KMT5B: variants seen among roughly 807,000 people sequenced by gnomAD.
KMT5B encodes lysine methyltransferase 5B, also known as histone-lysine N-methyltransferase KMT5B.
Under a neutral mutation model 83.2 loss-of-function variants are expected in KMT5B, and 10 were observed. That is an observed-to-expected ratio of 0.12 (90% CI 0.07 to 0.20). KMT5B has a LOEUF of 0.20. Among genes scored for constraint, KMT5B ranks in the 10% least tolerant of loss-of-function variants. KMT5B has a pLI of 1.00. For missense variants in KMT5B, 753 were observed against 1,067.2 expected, an observed-to-expected ratio of 0.71 and a Z score of 4.10; for synonymous variants, 349 against 388.8, an observed-to-expected ratio of 0.90 and a Z score of 1.20.
chr11:68,179,372 C>A, intron 4 of KMT5B: 1 of 1,130,850 alleles, frequency 8.8e-7, no homozygotes, highest in South Asian at 1.4e-5. Context: ...TTTACACTTC[C>A]AATCAATGGC....
At chr11:68,199,731 T>C (rs1859184187) in intron 1 of KMT5B, among the ~76,000 whole-genome samples, 1 of 152,198 alleles carries the variant, frequency 6.6e-6, no homozygotes, top group African/African-American at 2.4e-5. Flanking sequence ...AGTAGTCTAT[T>C]TACTAACTGA....
chr11:68,160,573 G>A (rs1224037727), intron 10 of KMT5B, among the ~76,000 whole-genome samples: 1 of 152,168 alleles, frequency 6.6e-6, no homozygotes, highest in Non-Finnish European at 1.5e-5. Flanking sequence ...GAAATCTGTC[G>A]CTTTCTACAT....
rs1854617822 is a variant in KMT5B at position 68,158,909 on chromosome 11, C to T, written c.1437G>A (p.Glu479=). Residue 479 remains glutamate, a synonymous_variant, in exon 11 of 11, where the codon GAG becomes GAA. Coordinates refer to ENST00000304363, the MANE Select transcript of KMT5B (RefSeq NM_017635.5). ...KLEMGNLVLK[E]PKVVLYKNLP... is the part of the protein sequence containing the mutation. ...AATTTTTATACAGAACTACTTTAGG[C>T]TCTTTCAGTACTAAGTTTCCCATTT... is the stretch of plus-strand genomic sequence containing the variant. 6.2e-7 allele frequency: 1 copy of T among 1,614,178 alleles called. No individual in the cohort carries two copies. The highest frequency in any genetic ancestry group is 1.1e-5 in the South Asian group (1 of 91,082).
At chr11:68,206,194 TC>T (rs1860088678) in intron 1 of KMT5B, among the ~76,000 whole-genome samples, 1 of 152,196 alleles carries the variant, frequency 6.6e-6, no homozygotes, top group Admixed American at 6.5e-5. Context: ...CCCCCATCTC[TC>T]CACATTTGAT....
At chr11:68,208,224 G>A (rs948667119) in intron 1 of KMT5B, among the ~76,000 whole-genome samples, 1 of 151,260 alleles carries the variant, frequency 6.6e-6, no homozygotes, top group Non-Finnish European at 1.5e-5. Context: ...CGAGGCGGGA[G>A]GGTCACGAGG....
chr11:68,184,808 T>C (rs893845162), intron 3 of KMT5B, among the ~76,000 whole-genome samples: 5 of 152,208 alleles, frequency 3.3e-5, no homozygotes, highest in Non-Finnish European at 5.9e-5. Flanking sequence ...GATACATTTG[T>C]GAAATGATCT....
intron 1 of KMT5B, 83 bp from the exon 2 acceptor site, chr11:68,190,235 G>A: frequency 1.6e-6 from 1 of 644,026 alleles, no homozygotes; most frequent in Non-Finnish European, 2.7e-6. Flanking sequence ...CCTTGAGAAA[G>A]ATATATAATA....
At chr11:68,179,386 T>C (rs530323943) in intron 4 of KMT5B, 1 of 1,194,448 alleles carries the variant, frequency 8.4e-7, no homozygotes, top group Non-Finnish European at 1.1e-6. Flanking sequence ...CAATGGCTGG[T>C]ATAAGAAAAA....
At chr11:68,190,186 A>C in intron 1 of KMT5B, 34 bp from the exon 2 acceptor site, 4 of 924,088 alleles carry the variant, frequency 4.3e-6, no homozygotes, top group South Asian at 1.6e-5. Flanking sequence ...ACAAAACAAA[A>C]TGGGGAGATA....
Position 68,171,184 on chromosome 11 carries a change from A to C in KMT5B, c.841-33T>G, listed in dbSNP as rs776143841. 1 of 1,606,882 alleles carries C rather than the reference A, an allele frequency of 6.2e-7. No homozygotes were observed. Among genetic ancestry groups the C allele is most frequent in the Admixed American group, 1.7e-5 (1 of 57,556 alleles). On this transcript the variant is annotated intron_variant, in intron 8 of 10. Transcript: ENST00000304363. The surrounding 1 kb of genome is among the most constrained non-coding windows in gnomAD (Gnocchi z 5.1). ...AAAAGTAACTCAGTAAGAAACTCAC[A>C]CCTGAAGCAAAAACAAAATACTTGA...
chr11:68,178,600 A>T (rs1262491313), intron 4 of KMT5B, among the ~76,000 whole-genome samples: 1 of 152,232 alleles, frequency 6.6e-6, no homozygotes, highest in African/African-American at 2.4e-5. Context: ...ATGAAATGAC[A>T]GTAAGGAAAA....
chr11:68,167,448 A>G (rs1008556330), intron 9 of KMT5B, among the ~76,000 whole-genome samples: 31 of 149,828 alleles, frequency 2.1e-4, no homozygotes, highest in African/African-American at 7.1e-4. Flanking sequence ...ACCTTGTAAA[A>G]TTTTTTCCTT....
At chr11:68,181,970 G>A (rs767906428) in intron 3 of KMT5B, among the ~76,000 whole-genome samples, 7 of 152,164 alleles carry the variant, frequency 4.6e-5, no homozygotes, top group Non-Finnish European at 7.3e-5. Flanking sequence ...CAACAGAATC[G>A]TCTGTACTTC....
chr11:68,185,496 C>A (rs1366296451), intron 3 of KMT5B, among the ~76,000 whole-genome samples: 1 of 152,208 alleles, frequency 6.6e-6, no homozygotes, highest in African/African-American at 2.4e-5. Flanking sequence ...GCGTGAGCCA[C>A]CATGCCTGGC....
At chr11:68,213,565 C>T (rs1861280876), upstream of KMT5B, 1 of 152,036 alleles carries the variant, frequency 6.6e-6, no homozygotes, top group Non-Finnish European at 1.5e-5. Context: ...GGTGCCGCCT[C>T]CGGTTCCCGG....
intron 10 of KMT5B, among the ~76,000 whole-genome samples, chr11:68,162,561 C>G (rs1404242935): frequency 6.6e-6 from 1 of 152,150 alleles, no homozygotes; most frequent in East Asian, 1.9e-4. Flanking sequence ...TTCCTTGGTA[C>G]TTCTTATTTT....
At chr11:68,174,193 C>A in intron 5 of KMT5B, 1 of 534,056 alleles carries the variant, frequency 1.9e-6, no homozygotes, top group Non-Finnish European at 3.6e-6. Context: ...GCCTGGGTGA[C>A]AGAGCAAGAT....
chr11:68,175,705 T>C (rs181250705), intron 4 of KMT5B, among the ~76,000 whole-genome samples: 4 of 152,238 alleles, frequency 2.6e-5, no homozygotes, highest in African/African-American at 4.8e-5. Context: ...AACCATGCCA[T>C]ACACAAAAAC....
At position 68,158,058 on chromosome 11, in the gene KMT5B, T is replaced by C. The variant is rs1195507712; in HGVS notation, c.2288A>G (p.Asn763Ser). 2 of 1,614,230 alleles carry C rather than the reference T, an allele frequency of 1.2e-6. No individual in the cohort carries two copies. Among genetic ancestry groups the C allele is most frequent in the African/African-American group, 1.3e-5 (1 of 75,068 alleles). Reference protein sequence around the residue: ...NDNNLYVAKLNNGFNSGSGSS... With the variant: ...NDNNLYVAKLSNGFNSGSGSS... ...GCCTGATCCTGAGTTAAATCCATTA[T>C]TAAGCTTTGCTACATAGAGATTGTT... Residue 763 changes from asparagine (N) to serine (S), a missense_variant, in exon 11 of 11, where the codon AAT becomes AGT. Transcript: ENST00000304363.
Sources: gnomAD v4.1 joint callset for allele counts (sites outside exome capture counted in the v4.1 genomes callset) on GRCh38, gnomAD v4.1.1 for gene constraint, Gnocchi (gnomAD v3.1) non-coding constraint, MANE v1.5 for transcripts, NCBI Gene and HGNC (gene_info 2026-07-23, HGNC 2026-07-21) for gene names.